The following KIAA1328 variants were observed in gnomAD, a reference collection of about 807,000 sequenced individuals.
KIAA1328 encodes the protein protein hinderin.
In KIAA1328, 52 loss-of-function variants were observed where a neutral mutation model predicts 68.1. That is an observed-to-expected ratio of 0.76 (90% CI 0.61 to 0.96). The LOEUF (loss-of-function observed/expected upper bound fraction) is 0.96. Among genes scored for constraint, KIAA1328 ranks in the 40% least tolerant of loss-of-function variants. The probability of loss-of-function intolerance (pLI) is 0.00; values close to 1 mark genes in which losing one functional copy is unlikely to be tolerated. For missense variants in KIAA1328, 641 were observed against 677.6 expected, an observed-to-expected ratio of 0.95 and a Z score of 0.60; for synonymous variants, 232 against 239.4, an observed-to-expected ratio of 0.97 and a Z score of 0.28.
At chr18:36,912,591 A>G (rs1430620624) in intron 5 of KIAA1328, among the ~76,000 whole-genome samples, 1 of 152,124 alleles carries the variant, frequency 6.6e-6, no homozygotes, top group African/African-American at 2.4e-5. Context: ...CCGCCTGCCT[A>G]CCACAGTCTG....
intron 7 of KIAA1328, among the ~76,000 whole-genome samples, chr18:37,104,124 G>A (rs994669559): frequency 2.6e-5 from 4 of 152,064 alleles, no homozygotes; most frequent in Non-Finnish European, 4.4e-5. Flanking sequence ...TCTCAAAAAA[G>A]CAAAAATAGA....
At chr18:37,106,242 A>G (rs550942521) in intron 7 of KIAA1328, among the ~76,000 whole-genome samples, 32 of 152,248 alleles carry the variant, frequency 2.1e-4, no homozygotes, top group African/African-American at 7.2e-4. Flanking sequence ...AAAACGTGCT[A>G]TGATTTCATT....
At chr18:36,853,644 G>A (rs1406084615) in intron 4 of KIAA1328, among the ~76,000 whole-genome samples, 1 of 151,796 alleles carries the variant, frequency 6.6e-6, no homozygotes, top group Non-Finnish European at 1.5e-5. Flanking sequence ...TATACACTGT[G>A]TGCTTTTTTT....
intron 6 of KIAA1328, among the ~76,000 whole-genome samples, chr18:37,031,902 C>T (rs2054843683): frequency 6.6e-6 from 1 of 152,114 alleles, no homozygotes; most frequent in South Asian, 2.1e-4. Context: ...TGTGGTGGCT[C>T]ACACCTGTAT....
At chr18:37,115,579 G>A (rs938681353) in intron 7 of KIAA1328, among the ~76,000 whole-genome samples, 11 of 152,160 alleles carry the variant, frequency 7.2e-5, no homozygotes, top group African/African-American at 2.4e-4. Context: ...GCAAAAACTG[G>A]AAGCATTCCC....
intron 4 of KIAA1328, among the ~76,000 whole-genome samples, chr18:36,874,214 T>G (rs933738516): frequency 6.6e-6 from 1 of 152,202 alleles, no homozygotes; most frequent in Admixed American, 6.5e-5. Context: ...GTAATGGGAT[T>G]GCTGGGTCAG....
chr18:37,125,852 ATTG>A (rs2058376578), intron 7 of KIAA1328, among the ~76,000 whole-genome samples: 1 of 152,184 alleles, frequency 6.6e-6, no homozygotes, highest in Non-Finnish European at 1.5e-5. Context: ...TGCAGTTGCT[ATTG>A]TTGAACAGTT....
chr18:36,868,000 G>T (rs2047813603), intron 4 of KIAA1328, among the ~76,000 whole-genome samples: 2 of 152,204 alleles, frequency 1.3e-5, no homozygotes, highest in Admixed American at 1.3e-4. Flanking sequence ...CAAGAAAACA[G>T]ATTAAAGTGC....
chr18:37,117,853 G>C (rs980265701), intron 7 of KIAA1328, among the ~76,000 whole-genome samples: 1 of 148,314 alleles, frequency 6.7e-6, no homozygotes, highest in Admixed American at 6.8e-5. Context: ...ATACAAAAGG[G>C]AAGAAAACGG....
intron 3 of KIAA1328, among the ~76,000 whole-genome samples, chr18:36,840,358 A>G (rs1001185967): frequency 6.6e-6 from 1 of 151,696 alleles, no homozygotes; most frequent in Non-Finnish European, 1.5e-5. Flanking sequence ...GATGTCCTAC[A>G]TTGTCGGGGG....
chr18:37,023,688 T>G (rs1196340440), intron 6 of KIAA1328, among the ~76,000 whole-genome samples: 4 of 152,192 alleles, frequency 2.6e-5, no homozygotes, highest in Non-Finnish European at 2.9e-5. Context: ...CTGACAAGGA[T>G]TGTATGTGGA....
chr18:37,101,521 A>C (rs1241080041), intron 7 of KIAA1328, among the ~76,000 whole-genome samples: 1 of 152,244 alleles, frequency 6.6e-6, no homozygotes, highest in African/African-American at 2.4e-5. Flanking sequence ...ACTATGTGAA[A>C]AGACCAAATC....
intron 6 of KIAA1328, among the ~76,000 whole-genome samples, chr18:37,041,640 T>TTGTGTG (rs56237948): frequency 9.1e-4 from 134 of 147,014 alleles, no homozygotes; most frequent in Non-Finnish European, 1.4e-3. Context: ...TTTTTTGTGT[T>TTGTGTG]TGTGTGTGTG....
intron 6 of KIAA1328, among the ~76,000 whole-genome samples, chr18:37,004,723 A>G (rs2053714859): frequency 1.3e-5 from 2 of 152,156 alleles, no homozygotes; most frequent in South Asian, 2.1e-4. Context: ...TAGAACTACC[A>G]TTTGATCCCG....
chr18:37,069,890 T>C (rs1054042493), intron 7 of KIAA1328, among the ~76,000 whole-genome samples: 12 of 152,122 alleles, frequency 7.9e-5, no homozygotes, highest in African/African-American at 2.9e-4. Flanking sequence ...GCTCTTCTTT[T>C]TTCCTAATTT....
intron 8 of KIAA1328, 81 bp from the exon 9 acceptor site, chr18:37,172,892 T>A (rs2059527729): frequency 9.1e-6 from 9 of 993,878 alleles, no homozygotes; most frequent in Non-Finnish European, 1.4e-5. Context: ...ATTCCTATAA[T>A]GTCTTATAAA....
At chr18:37,072,185 T>C (rs772583165) in intron 7 of KIAA1328, among the ~76,000 whole-genome samples, 5 of 152,256 alleles carry the variant, frequency 3.3e-5, no homozygotes, top group Middle Eastern at 6.8e-3. Flanking sequence ...TCTCTGTTTA[T>C]TCTTTAAGGT....
chr18:37,086,961 A>G (rs182896186), intron 7 of KIAA1328, among the ~76,000 whole-genome samples: 1 of 152,176 alleles, frequency 6.6e-6, no homozygotes, highest in African/African-American at 2.4e-5. Context: ...TTGCTAATGT[A>G]TTGTCTCTTT....
At chr18:36,875,389 T>G (rs2048085905) in intron 4 of KIAA1328, among the ~76,000 whole-genome samples, 1 of 152,188 alleles carries the variant, frequency 6.6e-6, no homozygotes, top group South Asian at 2.1e-4. Flanking sequence ...TTGCAACCCT[T>G]GTAAGTTGTA....
Sources: gnomAD v4.1 joint callset for allele counts (sites outside exome capture counted in the v4.1 genomes callset) on GRCh38, gnomAD v4.1.1 for gene constraint, MANE v1.5 for transcripts, NCBI Gene and HGNC (gene_info 2026-07-23, HGNC 2026-07-21) for gene names.